TAF1D: variants seen among roughly 807,000 people sequenced by gnomAD.
TAF1D encodes the protein TATA box-binding protein-associated factor RNA polymerase I subunit D.
A neutral mutation model predicts 26.2 loss-of-function variants in TAF1D; 23 were observed. The ratio of observed to expected loss-of-function variants is 0.88; its 90% confidence interval spans 0.63 to 1.25. The LOEUF is 1.25. TAF1D is among the 50% of genes most tolerant of loss of function. The probability of loss-of-function intolerance (pLI) is 0.00; values close to 1 mark genes in which losing one functional copy is unlikely to be tolerated. For synonymous variants in TAF1D, 100 were observed against 105.6 expected, an observed-to-expected ratio of 0.95 and a Z score of 0.33; for missense variants, 299 against 322.0, an observed-to-expected ratio of 0.93 and a Z score of 0.55.
chr11:93,733,004 T>TA (rs1232496228), downstream of TAF1D: 7 of 332,960 alleles, frequency 2.1e-5, no homozygotes, highest in African/African-American at 1.5e-4. Flanking sequence ...AATTCTGTGT[T>TA]ATACCTGAAA....
At chr11:93,735,516 C>A, downstream of TAF1D, 1 of 439,910 alleles carries the variant, frequency 2.3e-6, no homozygotes, top group Non-Finnish European at 3.1e-6. Context: ...ACTAAAAAAA[C>A]AAAAACTAGC....
At position 93,736,086 on chromosome 11, in the gene TAF1D, T is replaced by C; in HGVS notation, c.*75A>G. The C allele has an allele frequency of 4.4e-6, 7 of 1,594,402 alleles. No homozygotes were observed. Among genetic ancestry groups the C allele is most frequent in the Non-Finnish European group, 6.0e-6 (7 of 1,174,702 alleles). On this transcript the variant is annotated 3_prime_UTR_variant, in exon 6 of 6. Coordinates refer to ENST00000448108, the MANE Select transcript of TAF1D (RefSeq NM_024116.4). The stretch of plus-strand genomic sequence containing the variant: ...TTCTTCACCACCAGACTGGTACATA[T>C]ATCCACATTTATCTTTATTCATTTC...
At chr11:93,730,650 CA>C (rs759956736), downstream of TAF1D, 2 of 537,702 alleles carry the variant, frequency 3.7e-6, no homozygotes, top group African/African-American at 3.8e-5. Flanking sequence ...ATGACCCATA[CA>C]AATGTCTTTT....
intron 1 of TAF1D, 91 bp downstream of exon 1, chr11:93,741,231 C>G (rs969002159): frequency 4.6e-6 from 2 of 438,664 alleles, no homozygotes; most frequent in Admixed American, 2.5e-5. Flanking sequence ...CTCGATCCTC[C>G]GGACCAACGA....
At chr11:93,730,239 A>G (rs1013451098) in exon 12 of TAF1D, 17 of 1,551,130 alleles carry the variant, frequency 1.1e-5, no homozygotes, top group South Asian at 3.6e-5. Context: ...AGAAAACACT[A>G]GAGAAACTTC....
downstream of TAF1D, chr11:93,732,325 TA>T (rs1565237477): frequency 3.9e-6 from 2 of 515,652 alleles, no homozygotes; most frequent in East Asian, 1.1e-4. Context: ...TATTTTAGAG[TA>T]TATCAAACTG....
chr11:93,741,467 G>A lies in TAF1D; in HGVS notation c.-173C>T, dbSNP rs1361704388. On this transcript the variant is annotated 5_prime_UTR_variant, in exon 1 of 6. Transcript: ENST00000448108. ...GCCCTCCAACTCCCGATAACCAGCC[G>A]ACCTCCTCCAACCGTGCGGAAGAAA... The A allele has an allele frequency of 2.9e-5, 13 of 456,050 alleles. No homozygotes were observed. The highest frequency in any genetic ancestry group is 1.4e-4 in the Admixed American group (6 of 42,554). The allele number at this position is 456,050 out of a possible 1,614,324, so 28.3% of individuals were successfully genotyped here.
At chr11:93,739,554 A>T (rs992640204) in intron 1 of TAF1D, among the ~76,000 whole-genome samples, 2 of 152,248 alleles carry the variant, frequency 1.3e-5, no homozygotes, top group Non-Finnish European at 2.9e-5. Context: ...CAACGCAACA[A>T]GATTCCAAAA....
rs1347943642 is a variant in TAF1D at position 93,736,497 on chromosome 11, T to C, written c.694-193A>G. The C allele has an allele frequency of 9.1e-6, 13 of 1,425,316 alleles. No homozygotes were observed. The East Asian group carries it at 2.4e-4, about 26-fold the overall frequency. 88.3% of individuals were successfully genotyped at this position (1,425,316 alleles called of 1,614,324 possible). ...ATAATATGTATCAGAATGCTACTTA[T>C]TAAAAATAGTACTGAAAACCCCATG... is the stretch of plus-strand genomic sequence containing the variant. On this transcript the variant is annotated intron_variant, in intron 5 of 5. Transcript: ENST00000448108.
chr11:93,738,223 AG>A lies in TAF1D; in HGVS notation c.344del (p.Pro115LeufsTer5). 1 of 1,612,714 alleles carries A rather than the reference AG, an allele frequency of 6.2e-7. No homozygotes were observed. The highest frequency in any genetic ancestry group is 8.5e-7 in the Non-Finnish European group (1 of 1,179,736). On this transcript the variant is annotated frameshift_variant, in exon 3 of 6. Coordinates refer to ENST00000448108, the MANE Select transcript of TAF1D (RefSeq NM_024116.4). LOFTEE classifies it high-confidence loss of function. ...PRGRPEGRRNPIYSLIDKKKQ... is the reference protein window; with the variant it reads ...PRGRPEGRRNXIYSLIDKKKQ... Reference sequence around the variant, plus strand: ...TCTTCTTATCTATTAGTGAGTATATAGGATTTCTCCTTCCTTCTGGTCTTCC... The same window carrying A: ...TCTTCTTATCTATTAGTGAGTATATAGATTTCTCCTTCCTTCTGGTCTTCC...
downstream of TAF1D, chr11:93,734,437 G>A: frequency 6.1e-6 from 2 of 327,924 alleles, no homozygotes; most frequent in Admixed American, 3.9e-5. Context: ...TCTAATGCTT[G>A]CAACTAAAAT....
At chr11:93,733,961 CGTT>C (rs1268901140), downstream of TAF1D, 4 of 152,676 alleles carry the variant, frequency 2.6e-5, no homozygotes, top group African/African-American at 9.7e-5. Flanking sequence ...TTCACAATCA[CGTT>C]GTGCTTAGGA....
At chr11:93,734,643 T>C (rs1350983206), downstream of TAF1D, 2 of 971,942 alleles carry the variant, frequency 2.1e-6, no homozygotes, top group South Asian at 1.3e-5. Flanking sequence ...CCAGACACCA[T>C]GTTCTCAAGA....
At position 93,737,078 on chromosome 11, in the gene TAF1D, A is replaced by T; in HGVS notation, c.621T>A (p.Pro207=). The T allele has an allele frequency of 6.2e-7, 1 of 1,601,518 alleles. No individual in the cohort carries two copies. The highest frequency in any genetic ancestry group is 8.5e-7 in the Non-Finnish European group (1 of 1,175,434). ...ATTCCACTTACGTTGACTCCTCAAT[A>T]GGAGAAATGGATCCATCATCATCCA... ...KFLDDDGSIS[P]IEESTAEDED... is the part of the protein sequence containing the mutation. Residue 207 remains proline, a synonymous_variant, in exon 4 of 6, where the codon CCT becomes CCA. Coordinates refer to ENST00000448108, the MANE Select transcript of TAF1D (RefSeq NM_024116.4).
Position 93,736,173 on chromosome 11 carries a change from G to A in TAF1D, c.825C>T (p.Gly275=), listed in dbSNP as rs370632022. The change falls in exon 6 of 6, where the codon GGC becomes GGT. Residue 275 remains glycine, a synonymous_variant. Coordinates refer to ENST00000448108, the MANE Select transcript of TAF1D (RefSeq NM_024116.4). The part of the protein sequence containing the change: ...ATKAKNTGQR[G]LKM ...ATTCATGATCCTGTCACATTTTCAG[G>A]CCTCTCTGTCCAGTATTTTTGGCTT... The A allele has an allele frequency of 1.2e-6, 2 of 1,613,020 alleles. No homozygotes were observed. Among genetic ancestry groups the A allele is most frequent in the Non-Finnish European group, 1.7e-6 (2 of 1,179,644 alleles).
exon 12 of TAF1D, chr11:93,730,560 T>TA: frequency 1.6e-6 from 1 of 638,266 alleles, no homozygotes; most frequent in Admixed American, 1.8e-5. Context: ...AGGAGTGCTA[T>TA]GGCTTCCTAT....
At chr11:93,740,568 T>A (rs1293448544) in intron 1 of TAF1D, among the ~76,000 whole-genome samples, 2 of 151,248 alleles carry the variant, frequency 1.3e-5, no homozygotes, top group South Asian at 4.2e-4. Context: ...CTGACATGAG[T>A]CATTACATAT....
At chr11:93,732,782 C>T (rs1311036133), downstream of TAF1D, 1 of 226,776 alleles carries the variant, frequency 4.4e-6, no homozygotes, top group African/African-American at 2.3e-5. Context: ...CTGCCAGTTA[C>T]ACAAAATTCT....
Position 93,737,244 on chromosome 11 carries a change from ATAT to A in TAF1D, c.460-8_460-6del, listed in dbSNP as rs1476682593. On this transcript the variant is annotated splice_region_variant and splice_polypyrimidine_tract_variant and intron_variant, in intron 3 of 5. Coordinates refer to ENST00000448108, the MANE Select transcript of TAF1D (RefSeq NM_024116.4). ...AAATCCTCTTGCAACAGCTTGCTATATATTAAAAACACCATAAGTATGTCGAGA... is the reference window on the plus strand; with the variant it reads ...AAATCCTCTTGCAACAGCTTGCTATATAAAAACACCATAAGTATGTCGAGA... The A allele has an allele frequency of 6.3e-7, 1 of 1,592,144 alleles. No homozygotes were observed. The highest frequency in any genetic ancestry group is 8.5e-7 in the Non-Finnish European group (1 of 1,170,456).
Sources: gnomAD v4.1 joint callset for allele counts (sites outside exome capture counted in the v4.1 genomes callset) on GRCh38, gnomAD v4.1.1 for gene constraint, MANE v1.5 for transcripts, NCBI Gene and HGNC (gene_info 2026-07-23, HGNC 2026-07-21) for gene names.